TRAPPC3L: variants seen among roughly 807,000 people sequenced by gnomAD.
The protein encoded by TRAPPC3L is trafficking protein particle complex subunit 3-like protein.
A neutral mutation model predicts 23.7 loss-of-function variants in TRAPPC3L; 23 were observed. The observed-to-expected ratio is 0.97, with a 90% confidence interval of 0.70 to 1.37. TRAPPC3L has a LOEUF of 1.37. Among genes scored for constraint, TRAPPC3L ranks in the 40% most tolerant of loss-of-function variants. TRAPPC3L has a pLI of 0.00. For synonymous variants in TRAPPC3L, 81 were observed against 77.9 expected, an observed-to-expected ratio of 1.04 and a Z score of -0.21; for missense variants, 212 against 216.8, an observed-to-expected ratio of 0.98 and a Z score of 0.14.
intron 3 of TRAPPC3L, among the ~76,000 whole-genome samples, chr6:116,527,406 T>G (rs1455477468): frequency 2.0e-5 from 3 of 150,642 alleles, no homozygotes; most frequent in Non-Finnish European, 4.4e-5. Context: ...TCCCAGCTAC[T>G]CGGGAGGCTG....
intron 3 of TRAPPC3L, chr6:116,511,747 T>TA: frequency 1.2e-6 from 2 of 1,613,998 alleles, no homozygotes; most frequent in Non-Finnish European, 1.7e-6. Context: ...AGAAAACTGT[T>TA]ATTGGCTACA....
intron 3 of TRAPPC3L, among the ~76,000 whole-genome samples, chr6:116,506,518 A>G (rs1772009885): frequency 1.3e-5 from 2 of 152,224 alleles, no homozygotes; most frequent in Admixed American, 1.3e-4. Flanking sequence ...TACTGGGTAT[A>G]TATGCAAAGG....
intron 1 of TRAPPC3L, among the ~76,000 whole-genome samples, chr6:116,545,059 A>G (rs1440302525): frequency 6.6e-6 from 1 of 151,668 alleles, no homozygotes; most frequent in Non-Finnish European, 1.5e-5. Flanking sequence ...TTTTTTGATG[A>G]CCTATTTCGA....
Position 116,504,081 on chromosome 6 carries a change from GA to G in TRAPPC3L, c.241-3416del, listed in dbSNP as rs1771964920. Among the ~76,000 whole-genome samples, 7 of 152,222 alleles carry G rather than the reference GA, an allele frequency of 4.6e-5. No homozygotes were observed. The South Asian group carries it at 1.5e-3, about 32-fold the overall frequency. Reference sequence around the variant, plus strand: ...CAAAAAAACCCTTCAAAAAATCAATGAATCCAGGAGCTGTTTTTTTGAAAAG... The same window carrying G: ...CAAAAAAACCCTTCAAAAAATCAATGATCCAGGAGCTGTTTTTTTGAAAAG... On this transcript the variant is annotated intron_variant, in intron 3 of 4. Transcript: ENST00000368602.
chr6:116,504,961 A>G (rs780376154), intron 3 of TRAPPC3L, among the ~76,000 whole-genome samples: 2 of 152,206 alleles, frequency 1.3e-5, no homozygotes, highest in Non-Finnish European at 2.9e-5. Flanking sequence ...CCGGCACAAG[A>G]CAAGGATGCC....
At chr6:116,538,727 T>C (rs1773246084) in intron 3 of TRAPPC3L, among the ~76,000 whole-genome samples, 1 of 151,432 alleles carries the variant, frequency 6.6e-6, no homozygotes, top group African/African-American at 2.4e-5. Context: ...GTCTTAAATC[T>C]TTCTTTCTTT....
At chr6:116,524,745 AATC>A (rs1366950218) in intron 3 of TRAPPC3L, 1 of 152,080 alleles carries the variant, frequency 6.6e-6, no homozygotes, top group Non-Finnish European at 1.5e-5. Context: ...CATTGTGGAG[AATC>A]ATTTTCTTAT....
intron 4 of TRAPPC3L, among the ~76,000 whole-genome samples, chr6:116,498,012 T>TGCAATGCC: frequency 6.6e-6 from 1 of 152,324 alleles, no homozygotes. Context: ...TGCCTACCAT[T>TGCAATGCC]TAACAGAGGA....
At chr6:116,528,506 T>A (rs1195220091) in intron 3 of TRAPPC3L, among the ~76,000 whole-genome samples, 1 of 152,250 alleles carries the variant, frequency 6.6e-6, no homozygotes, top group African/African-American at 2.4e-5. Flanking sequence ...TTTTTAATAA[T>A]CTATCTGCCA....
At chr6:116,510,070 GA>G (rs1772083195) in intron 3 of TRAPPC3L, among the ~76,000 whole-genome samples, 2 of 152,012 alleles carry the variant, frequency 1.3e-5, no homozygotes, top group South Asian at 4.1e-4. Flanking sequence ...ACAAACATAT[GA>G]AAAAATGCTC....
chr6:116,545,501 G>A lies in TRAPPC3L; in HGVS notation c.14C>T (p.Ala5Val). The change falls in exon 1 of 5, where the codon GCA (alanine) becomes GTA (valine). Residue 5 changes from alanine (A) to valine (V), a missense_variant. Transcript: ENST00000368602. Reference protein sequence around the residue: MSRPAHRRPEYHKIN... With the variant: MSRPVHRRPEYHKIN... ...TTTATGGTATTCTGGTCTTCGGTGT[G>A]CAGGGCGAGACATAGTGCTTGATAG... 1 of 1,548,218 alleles carries A rather than the reference G, an allele frequency of 6.5e-7. No individual in the cohort carries two copies. The highest frequency in any genetic ancestry group is 8.7e-7 in the Non-Finnish European group (1 of 1,145,018).
At chr6:116,528,725 T>C (rs1772526033) in intron 3 of TRAPPC3L, among the ~76,000 whole-genome samples, 2 of 152,218 alleles carry the variant, frequency 1.3e-5, no homozygotes, top group South Asian at 2.1e-4. Flanking sequence ...CAGCCTTCTC[T>C]GGAATGTTGT....
chr6:116,543,722 T>C (rs557129683), intron 1 of TRAPPC3L: 67 of 1,100,518 alleles, frequency 6.1e-5, no homozygotes, highest in Middle Eastern at 2.0e-4. Flanking sequence ...ATTTCTAACA[T>C]AAATTTCTGT....
At chr6:116,509,138 A>G (rs1772062282) in intron 3 of TRAPPC3L, among the ~76,000 whole-genome samples, 1 of 150,718 alleles carries the variant, frequency 6.6e-6, no homozygotes, top group African/African-American at 2.4e-5. Context: ...ACTTAATCGA[A>G]GAGGTGGAAG....
chr6:116,517,177 T>TA (rs1406715219), intron 3 of TRAPPC3L: 1 of 152,166 alleles, frequency 6.6e-6, no homozygotes, highest in Non-Finnish European at 1.5e-5. Flanking sequence ...CTCTGCTTCT[T>TA]AGTACTATCA....
At chr6:116,515,789 T>A in intron 3 of TRAPPC3L, 5 of 1,614,014 alleles carry the variant, frequency 3.1e-6, no homozygotes, top group Non-Finnish European at 4.2e-6. Flanking sequence ...GAACCTGAAA[T>A]GTTTTTTTGA....
chr6:116,512,285 T>G lies in TRAPPC3L; in HGVS notation c.241-11619A>C, dbSNP rs1206340227. On this transcript the variant is annotated intron_variant, in intron 3 of 4. Transcript: ENST00000368602. ...TTTCTCTCAGCATGAGCTCGAAGTA[T>G]TCTCTCTGTGCTCCTTTCAGCCAGG... 4 of 1,540,080 alleles carry G rather than the reference T, an allele frequency of 2.6e-6. No individual in the cohort carries two copies. In the African/African-American group the frequency reaches 5.4e-5, roughly 21 times the overall value.
chr6:116,542,403 TTTATG>T (rs1227011806), intron 2 of TRAPPC3L, among the ~76,000 whole-genome samples: 2 of 152,264 alleles, frequency 1.3e-5, no homozygotes, highest in East Asian at 3.9e-4. Flanking sequence ...ACTTTCAATC[TTTATG>T]TTGTCTTTTT....
intron 3 of TRAPPC3L, chr6:116,517,627 A>G (rs1250077656): frequency 6.6e-6 from 1 of 152,164 alleles, no homozygotes; most frequent in Non-Finnish European, 1.5e-5. Flanking sequence ...AAGAAGAAAT[A>G]TGTATTTGGT....
Sources: allele counts gnomAD v4.1 joint callset (sites outside exome capture counted in the v4.1 genomes callset), GRCh38; gene constraint gnomAD v4.1.1; transcripts MANE v1.5; gene names NCBI Gene and HGNC (gene_info 2026-07-23, HGNC 2026-07-21).